Variants in SDK1 observed in about 807,000 individuals in gnomAD.
SDK1 encodes the protein protein sidekick-1.
In SDK1, 157 loss-of-function variants were observed where a neutral mutation model predicts 245.5. The observed-to-expected ratio is 0.64, with a 90% confidence interval of 0.56 to 0.73. The LOEUF (loss-of-function observed/expected upper bound fraction) is 0.73. SDK1 is among the 30% of genes least tolerant of loss of function. The probability of loss-of-function intolerance (pLI) is 0.00; values close to 1 mark genes in which losing one functional copy is unlikely to be tolerated. For missense variants in SDK1, 3,583 were observed against 3,002.3 expected (o/e 1.19, Z -4.52); for synonymous variants, 1,647 against 1,278.5 (o/e 1.29, Z -6.15).
intron 4 of SDK1, among the ~76,000 whole-genome samples, chr7:3,761,008 C>A (rs1263686803): frequency 6.6e-6 from 1 of 152,096 alleles, no homozygotes; most frequent in East Asian, 1.9e-4. Context: ...GAGCATTTGC[C>A]TACATGTAAT....
intron 13 of SDK1, among the ~76,000 whole-genome samples, chr7:3,980,441 T>A (rs529421498): frequency 1.1e-4 from 17 of 152,322 alleles, no homozygotes; most frequent in Admixed American, 7.8e-4. Flanking sequence ...TTTATCAGCC[T>A]CTGTGCTTAT....
chr7:4,080,065 G>C (rs943100806), intron 22 of SDK1, among the ~76,000 whole-genome samples: 1 of 152,176 alleles, frequency 6.6e-6, no homozygotes, highest in Non-Finnish European at 1.5e-5. Context: ...CTGCTGTCGA[G>C]GAGAAAAGTG....
chr7:4,194,488 A>G (rs1365915165), intron 35 of SDK1, among the ~76,000 whole-genome samples: 1 of 152,040 alleles, frequency 6.6e-6, no homozygotes, highest in Non-Finnish European at 1.5e-5. Flanking sequence ...ACTCCCATAT[A>G]TATGGGAGTT....
intron 1 of SDK1, among the ~76,000 whole-genome samples, chr7:3,562,239 C>G (rs1211862960): frequency 6.6e-6 from 1 of 152,188 alleles, no homozygotes; most frequent in Non-Finnish European, 1.5e-5. Context: ...TCTACCGTTT[C>G]CAAAAATAAC....
At chr7:3,848,004 C>T (rs35261333) in intron 5 of SDK1, among the ~76,000 whole-genome samples, 4 of 152,158 alleles carry the variant, frequency 2.6e-5, no homozygotes, top group African/African-American at 9.7e-5. Context: ...ATACGTATCA[C>T]ATCTACCCAT....
At chr7:3,582,293 A>G (rs1287559199) in intron 1 of SDK1, among the ~76,000 whole-genome samples, 3 of 149,808 alleles carry the variant, frequency 2.0e-5, no homozygotes, top group Admixed American at 1.3e-4. Context: ...GGTCTGTCTC[A>G]GGTAGGTCTC....
chr7:4,171,135 G>A (rs1781812744), intron 32 of SDK1, among the ~76,000 whole-genome samples: 1 of 152,186 alleles, frequency 6.6e-6, no homozygotes, highest in African/African-American at 2.4e-5. Context: ...GTGAAGGGGT[G>A]CCTGCTGGAG....
In SDK1 at chr7:3,794,977, G is replaced by A. The variant is rs74982641; in HGVS notation, c.714-26473G>A. 5.4e-3 allele frequency among the ~76,000 whole-genome samples: 824 copies of A among 152,034 alleles called. 4 individuals carry two copies. The highest frequency in any genetic ancestry group is 0.019 in the African/African-American group (802 of 41,466). Reference sequence around the variant, plus strand: ...TATTCATGTTGTTGTTACTATTACAGTATTAAGGACGAACTCTGTGCCAGG... The same window carrying A: ...TATTCATGTTGTTGTTACTATTACAATATTAAGGACGAACTCTGTGCCAGG... On this transcript the variant is annotated intron_variant, in intron 4 of 44. Transcript: ENST00000404826.
intron 40 of SDK1, among the ~76,000 whole-genome samples, chr7:4,223,268 A>C (rs1785243022): frequency 6.6e-6 from 1 of 152,212 alleles, no homozygotes. Context: ...TTTTATTTTC[A>C]CTGACCTCTA....
intron 1 of SDK1, among the ~76,000 whole-genome samples, chr7:3,498,428 A>G (rs1782090267): frequency 6.6e-6 from 1 of 152,162 alleles, no homozygotes; most frequent in African/African-American, 2.4e-5. Flanking sequence ...TCATCTATAA[A>G]ATGAATGATG....
At chr7:3,602,130 A>G (rs945846694) in intron 1 of SDK1, among the ~76,000 whole-genome samples, 10 of 152,074 alleles carry the variant, frequency 6.6e-5, no homozygotes, top group South Asian at 6.3e-4. Flanking sequence ...TAGTGCTACA[A>G]TAAACATACG....
intron 4 of SDK1, among the ~76,000 whole-genome samples, chr7:3,658,481 C>G (rs117974988): frequency 6.7e-6 from 1 of 150,190 alleles, no homozygotes; most frequent in Non-Finnish European, 1.5e-5. Context: ...CTCATGTAGT[C>G]TTTAAGGAAA....
intron 4 of SDK1, among the ~76,000 whole-genome samples, chr7:3,649,776 T>C (rs1767876480): frequency 6.6e-6 from 1 of 152,088 alleles, no homozygotes; most frequent in Admixed American, 6.5e-5. Flanking sequence ...TCCACACCGT[T>C]CCACCGTGTA....
intron 4 of SDK1, among the ~76,000 whole-genome samples, chr7:3,664,191 C>G (rs2341452): frequency 2.0e-5 from 3 of 151,854 alleles, no homozygotes; most frequent in African/African-American, 7.3e-5. Context: ...ACATACATAC[C>G]TTGAAGGGAG....
At chr7:3,974,624 C>A in intron 13 of SDK1, 79 bp downstream of exon 13, 2 of 1,377,430 alleles carry the variant, frequency 1.5e-6, no homozygotes, top group Non-Finnish European at 2.0e-6. Context: ...TGCCACTTCA[C>A]AAGTGTCACG....
chr7:3,967,625 C>T (rs1782179980), intron 10 of SDK1, among the ~76,000 whole-genome samples, 191 bp downstream of exon 10: 1 of 152,218 alleles, frequency 6.6e-6, no homozygotes, highest in Non-Finnish European at 1.5e-5. Context: ...AGAATTTCTC[C>T]ATGGTCTCCA....
chr7:3,502,924 A>G (rs900377534), intron 1 of SDK1, among the ~76,000 whole-genome samples: 3 of 152,182 alleles, frequency 2.0e-5, no homozygotes, highest in African/African-American at 7.2e-5. Flanking sequence ...TGCTGATCTA[A>G]CCAAATGATT....
At chr7:3,615,941 G>A (rs1781755294) in intron 1 of SDK1, among the ~76,000 whole-genome samples, 1 of 151,696 alleles carries the variant, frequency 6.6e-6, no homozygotes, top group African/African-American at 2.4e-5. Flanking sequence ...CTGGAGTGCA[G>A]TGGCACAATC....
intron 4 of SDK1, among the ~76,000 whole-genome samples, chr7:3,746,572 A>G (rs531015424): frequency 3.4e-4 from 52 of 152,340 alleles, no homozygotes; most frequent in African/African-American, 9.9e-4. Flanking sequence ...AATGTTCTAA[A>G]TCCTTTGTTG....
Sources: allele counts gnomAD v4.1 joint callset (sites outside exome capture counted in the v4.1 genomes callset), GRCh38; gene constraint gnomAD v4.1.1; transcripts MANE v1.5; gene names NCBI Gene and HGNC (gene_info 2026-07-23, HGNC 2026-07-21).